PTBP3: variants seen among roughly 807,000 people sequenced by gnomAD.
The protein encoded by PTBP3 is polypyrimidine tract binding protein 3.
Under a neutral mutation model 58.7 loss-of-function variants are expected in PTBP3, and 20 were observed. The ratio of observed to expected loss-of-function variants is 0.34; its 90% CI spans 0.24 to 0.50. PTBP3 has a LOEUF of 0.50. PTBP3 is among the 20% of genes least tolerant of loss of function. The pLI is 0.98. For missense variants in PTBP3, 509 were observed against 637.2 expected (o/e 0.80, Z 2.17); for synonymous variants, 185 against 219.8 (o/e 0.84, Z 1.40).
intron 1 of PTBP3, among the ~76,000 whole-genome samples, chr9:112,316,932 G>A (rs751881460): frequency 6.7e-6 from 1 of 149,340 alleles, no homozygotes; most frequent in Non-Finnish European, 1.5e-5. Flanking sequence ...AGATCATGCC[G>A]CTGCACTCCA....
At chr9:112,240,645 C>CT (rs1352479651) in intron 7 of PTBP3, among the ~76,000 whole-genome samples, 12 of 83,044 alleles carry the variant, frequency 1.4e-4, no homozygotes, top group African/African-American at 7.9e-4. Flanking sequence ...TGTACTCCTA[C>CT]TTGTTTTTTT....
chr9:112,220,750 T>A lies in PTBP3; in HGVS notation c.*3101A>T, dbSNP rs1473222708. 3 of 983,496 alleles carry A rather than the reference T, an allele frequency of 3.1e-6. No individual in the cohort carries two copies. Among genetic ancestry groups the A allele is most frequent in the Non-Finnish European group, 3.6e-6 (3 of 828,148 alleles). 60.9% of individuals were successfully genotyped at this position (983,496 alleles called of 1,614,324 possible). On this transcript the variant is annotated 3_prime_UTR_variant, in exon 14 of 14. Coordinates refer to ENST00000374257, the MANE Select transcript of PTBP3 (RefSeq NM_001163788.4). ...TATGCAAATTATTCAAATCTCAAAGTAAATCATTTTGGTGTAATTCGCTAC... is the reference window on the plus strand; with the variant it reads ...TATGCAAATTATTCAAATCTCAAAGAAAATCATTTTGGTGTAATTCGCTAC...
At chr9:112,358,508 T>C in the PTBP3 span, among the ~76,000 whole-genome samples, 2 of 152,194 alleles carry the variant, frequency 1.3e-5, no homozygotes, top group Admixed American at 6.5e-5. Flanking sequence ...TAAAGGGTAT[T>C]AAGTGTGTAT....
At chr9:112,290,672 T>TAAAAAAA (rs141146042) in intron 2 of PTBP3, among the ~76,000 whole-genome samples, 3 of 53,052 alleles carry the variant, frequency 5.7e-5, no homozygotes, top group African/African-American at 2.3e-4. Context: ...ACTCTGTCTT[T>TAAAAAAA]AAAAAAAAAA....
At chr9:112,313,013 C>T (rs1465542095) in intron 1 of PTBP3, among the ~76,000 whole-genome samples, 3 of 151,716 alleles carry the variant, frequency 2.0e-5, no homozygotes, top group Admixed American at 6.6e-5. Flanking sequence ...CACTGCACTC[C>T]AGACTGGGTG....
At chr9:112,257,738 G>A (rs1344272566) in intron 5 of PTBP3, among the ~76,000 whole-genome samples, 2 of 152,108 alleles carry the variant, frequency 1.3e-5, no homozygotes, top group Non-Finnish European at 2.9e-5. Flanking sequence ...TCAGGAGTTC[G>A]AGACCAGCCT....
At position 112,220,369 on chromosome 9, in the gene PTBP3, G is replaced by C; in HGVS notation, c.*3482C>G. ...ATCACTTGAGCCCAGGAGTTGGCGA[G>C]ACCCCTAAAAATAAAATAAAGTAAA... On this transcript the variant is annotated 3_prime_UTR_variant, in exon 14 of 14. Coordinates refer to ENST00000374257, the MANE Select transcript of PTBP3 (RefSeq NM_001163788.4). The C allele has an allele frequency of 8.0e-7, 1 of 1,248,128 alleles. No homozygotes were observed. The highest frequency in any genetic ancestry group is 1.0e-6 in the Non-Finnish European group (1 of 969,476). 77.3% of individuals were successfully genotyped at this position (1,248,128 alleles called of 1,614,324 possible). A position where few individuals can be genotyped will look rare whatever the true frequency, so the allele number is the denominator to read the frequency against.
intron 1 of PTBP3, among the ~76,000 whole-genome samples, chr9:112,311,792 T>A (rs1439341934): frequency 6.6e-6 from 1 of 151,780 alleles, no homozygotes; most frequent in Non-Finnish European, 1.5e-5. Flanking sequence ...AAAAAACGGT[T>A]TTTTAATTAG....
intron 1 of PTBP3, chr9:112,333,123 C>A: frequency 7.9e-7 from 1 of 1,258,898 alleles, no homozygotes. Flanking sequence ...GAGGAAGTGT[C>A]GGGAGGCCGA....
downstream of PTBP3, chr9:112,218,212 G>A (rs1284682307): frequency 2.0e-5 from 3 of 152,356 alleles, no homozygotes; most frequent in Admixed American, 2.0e-4. Flanking sequence ...GATTAGGAAA[G>A]CACTTTGCTC....
rs1314416963 is a variant in PTBP3, at chr9:112,252,515, C to T, written c.627+163G>A. 6 of 482,562 alleles carry T rather than the reference C, an allele frequency of 1.2e-5. No homozygotes were observed. In the East Asian group the frequency reaches 1.7e-4, roughly 14 times the overall value. The allele number at this position is 482,562 out of a possible 1,614,324, so 29.9% of individuals were successfully genotyped here. ...CATATGAAGTAGTAATGATTTTTAG[C>T]TTAGAAAAAAAAAACATGGAATCAT... On this transcript the variant is annotated intron_variant, in intron 6 of 13. Coordinates refer to ENST00000374257, the MANE Select transcript of PTBP3 (RefSeq NM_001163788.4).
At chr9:112,357,004 CG>C in the PTBP3 span, among the ~76,000 whole-genome samples, 1 of 150,496 alleles carries the variant, frequency 6.6e-6, no homozygotes, top group African/African-American at 2.4e-5. Context: ...CTCAGTCTCC[CG>C]AGTAACTGGG....
chr9:112,244,328 C>CA (rs1835792562), intron 7 of PTBP3, among the ~76,000 whole-genome samples: 1 of 99,400 alleles, frequency 1.0e-5, no homozygotes, highest in Non-Finnish European at 2.1e-5. Context: ...ATAAGTGCAA[C>CA]AAAAAATGTG....
At chr9:112,261,628 TAA>T (rs1332728026) in intron 5 of PTBP3, among the ~76,000 whole-genome samples, 1 of 152,172 alleles carries the variant, frequency 6.6e-6, no homozygotes, top group Non-Finnish European at 1.5e-5. Context: ...AACATATAGC[TAA>T]AGAGGACAAA....
intron 2 of PTBP3, among the ~76,000 whole-genome samples, chr9:112,286,295 A>G (rs1828110392): frequency 6.6e-6 from 1 of 152,170 alleles, no homozygotes; most frequent in South Asian, 2.1e-4. Flanking sequence ...CCCACTTCAT[A>G]TAATTATTAA....
intron 2 of PTBP3, among the ~76,000 whole-genome samples, chr9:112,291,117 G>A (rs1192388867): frequency 2.0e-5 from 3 of 152,034 alleles, no homozygotes; most frequent in African/African-American, 7.3e-5. Context: ...AGCTACTTGG[G>A]AGGCTGAGGC....
chr9:112,315,624 AAAAG>A (rs1434170004), intron 1 of PTBP3, among the ~76,000 whole-genome samples: 3 of 152,206 alleles, frequency 2.0e-5, no homozygotes, highest in Non-Finnish European at 4.4e-5. Flanking sequence ...ACTATTTTAA[AAAAG>A]AAAGAAATAG....
chr9:112,220,130 G>C lies in PTBP3; in HGVS notation c.*3721C>G, dbSNP rs761317473. On this transcript the variant is annotated 3_prime_UTR_variant, in exon 14 of 14. Transcript: ENST00000374257. ...GTTTTAAAAATAGCAGTACACATTA[G>C]GTTTTCTAAGGGATAGGTGGGGAAA... 1.0e-5 allele frequency: 13 copies of C among 1,290,662 alleles called. No individual in the cohort carries two copies. The highest frequency in any genetic ancestry group is 1.2e-5 in the Non-Finnish European group (12 of 989,594). 80.0% of individuals were successfully genotyped at this position (1,290,662 alleles called of 1,614,324 possible).
chr9:112,325,198 G>T lies in PTBP3; in HGVS notation c.-52+8272C>A, dbSNP rs185650144. ...AGGGAAGGGTCCCCGGAGAACCTTC[G>T]ACCTGCCCAGGTCATCATGCACAGG... On this transcript the variant is annotated intron_variant, in intron 1 of 13. Transcript: ENST00000374257. 7.4e-3 allele frequency among the ~76,000 whole-genome samples: 1,120 copies of T among 152,292 alleles called. 45 individuals are homozygous for T. The highest frequency in any genetic ancestry group is 0.061 in the Admixed American group (930 of 15,294).
Sources: gnomAD v4.1 joint callset for allele counts (sites outside exome capture counted in the v4.1 genomes callset) on GRCh38, gnomAD v4.1.1 for gene constraint, MANE v1.5 for transcripts, NCBI Gene and HGNC (gene_info 2026-07-23, HGNC 2026-07-21) for gene names.